GRK5: variants seen among roughly 807,000 people sequenced by gnomAD.
The protein encoded by GRK5 is G protein-coupled receptor kinase 5, also known as g protein-coupled receptor kinase GRK5.
GRK5 carries 40 observed loss-of-function variants against 78.4 expected under a neutral mutation model. The ratio of observed to expected loss-of-function variants is 0.51; its 90% CI spans 0.40 to 0.66. The LOEUF is 0.66. Among genes scored for constraint, GRK5 ranks in the 30% least tolerant of loss-of-function variants. GRK5 has a pLI of 0.00. For synonymous variants in GRK5, 289 were observed against 296.8 expected (o/e 0.97, Z 0.27); for missense variants, 598 against 759.9 (o/e 0.79, Z 2.50).
chr10:119,263,784 G>A (rs1849450257), intron 1 of GRK5, among the ~76,000 whole-genome samples: 2 of 152,110 alleles, frequency 1.3e-5, no homozygotes, highest in Non-Finnish European at 1.5e-5. Flanking sequence ...AAATTAGCCG[G>A]GCGTGGTGGC....
At chr10:119,390,127 G>C (rs1851864507) in intron 3 of GRK5, among the ~76,000 whole-genome samples, 1 of 152,214 alleles carries the variant, frequency 6.6e-6, no homozygotes, top group African/African-American at 2.4e-5. Context: ...AGCAGCTGGT[G>C]GGGGTGAGGA....
intron 1 of GRK5, among the ~76,000 whole-genome samples, chr10:119,325,346 G>A (rs1417199441): frequency 6.6e-6 from 1 of 152,194 alleles, no homozygotes; most frequent in South Asian, 2.1e-4. Flanking sequence ...CAAGGTGGAG[G>A]ACAGGTTGGG....
chr10:119,289,927 T>C (rs1196654402), intron 1 of GRK5, among the ~76,000 whole-genome samples: 1 of 152,214 alleles, frequency 6.6e-6, no homozygotes, highest in Non-Finnish European at 1.5e-5. Flanking sequence ...TTTAAAACTT[T>C]ATGGTCAGCT....
chr10:119,250,929 C>A (rs925012068), intron 1 of GRK5, among the ~76,000 whole-genome samples: 1 of 152,166 alleles, frequency 6.6e-6, no homozygotes, highest in Non-Finnish European at 1.5e-5. Flanking sequence ...GGCATCTCCA[C>A]GCTCTCCTAT....
At chr10:119,404,066 T>TTA (rs1852196049) in intron 4 of GRK5, among the ~76,000 whole-genome samples, 2 of 152,242 alleles carry the variant, frequency 1.3e-5, no homozygotes, top group African/African-American at 4.8e-5. Context: ...GGTCATGTGG[T>TTA]AACTCTATGT....
In GRK5 at chr10:119,326,814, C is replaced by T. The variant is rs552329080; in HGVS notation, c.148+203C>T. 4.6e-5 allele frequency among the ~76,000 whole-genome samples: 7 copies of T among 152,378 alleles called. No homozygotes were observed. The East Asian group carries it at 1.4e-3, about 29-fold the overall frequency. On this transcript the variant is annotated intron_variant, in intron 2 of 15. Coordinates refer to ENST00000392870, the MANE Select transcript of GRK5 (RefSeq NM_005308.3). The stretch of plus-strand genomic sequence containing the variant: ...TCAACATAAACAGGCAACCAGTATT[C>T]ATTGAATATATGGCATGTGCCGGGC...
chr10:119,338,471 T>C (rs1850931387), intron 2 of GRK5, among the ~76,000 whole-genome samples: 1 of 152,244 alleles, frequency 6.6e-6, no homozygotes, highest in Non-Finnish European at 1.5e-5. Flanking sequence ...CCCATACATA[T>C]ACATGTGGTT....
At chr10:119,245,139 G>A (rs758410627) in intron 1 of GRK5, among the ~76,000 whole-genome samples, 2 of 152,080 alleles carry the variant, frequency 1.3e-5, no homozygotes, top group African/African-American at 4.8e-5. Context: ...TTAGCTGGGC[G>A]TGGTTGCGTG....
intron 1 of GRK5, among the ~76,000 whole-genome samples, chr10:119,228,351 A>C (rs1035040847): frequency 5.3e-5 from 8 of 151,862 alleles, no homozygotes; most frequent in Non-Finnish European, 1.2e-4. Context: ...TCTCAAAAAA[A>C]ACAAAACAAA....
chr10:119,392,107 C>A (rs576358026), intron 3 of GRK5, among the ~76,000 whole-genome samples: 3 of 152,278 alleles, frequency 2.0e-5, no homozygotes, highest in East Asian at 3.9e-4. Flanking sequence ...TTTTTCCTGG[C>A]AGATTCTGAG....
intron 1 of GRK5, among the ~76,000 whole-genome samples, chr10:119,227,287 C>T (rs1354119590): frequency 6.6e-6 from 1 of 152,104 alleles, no homozygotes; most frequent in African/African-American, 2.4e-5. Context: ...ATATAATAGG[C>T]TGGGCACGGT....
rs1853444449 is a variant in GRK5 at position 119,459,131 on chromosome 10, T to C, written c.*4064T>C. On this transcript the variant is annotated 3_prime_UTR_variant, in exon 16 of 16. Coordinates refer to ENST00000392870, the MANE Select transcript of GRK5 (RefSeq NM_005308.3). ...ATAGTGAGTATGAAGTCTTTGTGCA[T>C]TTGGAAGTGACATCGCTGTGTGGAT... 6.6e-6 allele frequency: 1 copy of C among 152,232 alleles called. No individual in the cohort carries two copies. Among genetic ancestry groups the C allele is most frequent in the Admixed American group, 6.5e-5 (1 of 15,288 alleles). 9.4% of individuals were successfully genotyped at this position (152,232 alleles called of 1,614,324 possible). A position where few individuals can be genotyped will look rare whatever the true frequency, so the allele number is the denominator to read the frequency against.
intron 2 of GRK5, among the ~76,000 whole-genome samples, chr10:119,332,810 C>T (rs1048456099): frequency 2.6e-5 from 4 of 152,168 alleles, no homozygotes; most frequent in South Asian, 2.1e-4. Context: ...TCTCTCTACC[C>T]GGAATGTTCT....
chr10:119,427,055 A>G lies in GRK5; in HGVS notation c.533+1970A>G, dbSNP rs532782485. On this transcript the variant is annotated intron_variant, in intron 6 of 15. Transcript: ENST00000392870. ...CATCAGCAGCATCACCACCATCATCAATATCACTGCCATCATCACCATCAT... is the reference window on the plus strand; with the variant it reads ...CATCAGCAGCATCACCACCATCATCGATATCACTGCCATCATCACCATCAT... Among the ~76,000 whole-genome samples, 5 of 151,908 alleles carry G rather than the reference A, an allele frequency of 3.3e-5. No homozygotes were observed. In the East Asian group the frequency reaches 9.7e-4, roughly 30 times the overall value.
Position 119,425,026 on chromosome 10 carries a change from C to T in GRK5, c.474C>T (p.Phe158=). 1 of 1,613,876 alleles carries T rather than the reference C, an allele frequency of 6.2e-7. No individual in the cohort carries two copies. Among genetic ancestry groups the T allele is most frequent in the Non-Finnish European group, 8.5e-7 (1 of 1,179,826 alleles). Residue 158 remains phenylalanine (F), a synonymous_variant, in exon 6 of 16, where the codon TTC becomes TTT. Transcript: ENST00000392870. ...ACGAGTACCTGAGGGGAGAACCATT[C>T]CACGAATATCTGGACAGCATGTTTT... ...SVHEYLRGEP[F]HEYLDSMFFD...
intron 4 of GRK5, among the ~76,000 whole-genome samples, chr10:119,419,559 G>A (rs565964364): frequency 6.6e-6 from 1 of 152,204 alleles, no homozygotes; most frequent in Non-Finnish European, 1.5e-5. Context: ...CGAGCCAGTG[G>A]TTATAAAGCC....
rs1852786004 is a variant in GRK5 at position 119,430,137 on chromosome 10, TC to T, written c.534-233del. ...TTTCTGAGCAAGCGAGGCTTGTGCATCCCCCAGCTTGCAGGGGGCTGGGGGC... is the reference window on the plus strand; with the variant it reads ...TTTCTGAGCAAGCGAGGCTTGTGCATCCCCAGCTTGCAGGGGGCTGGGGGC... On this transcript the variant is annotated intron_variant, in intron 6 of 15. Coordinates refer to ENST00000392870, the MANE Select transcript of GRK5 (RefSeq NM_005308.3). The surrounding 1 kb of genome is among the most constrained non-coding windows in gnomAD (Gnocchi z 4.5). Among the ~76,000 whole-genome samples the T allele has an allele frequency of 6.6e-6, 1 of 152,062 alleles. No individual in the cohort carries two copies. The highest frequency in any genetic ancestry group is 2.4e-5 in the African/African-American group (1 of 41,398).
At chr10:119,261,179 A>T (rs201218940) in intron 1 of GRK5, among the ~76,000 whole-genome samples, 3,612 of 119,450 alleles carry the variant, frequency 0.03, 62 homozygotes, top group Admixed American at 0.071. Flanking sequence ...TCACTTCTCA[A>T]ACGGGGCGGC....
intron 1 of GRK5, among the ~76,000 whole-genome samples, chr10:119,237,464 A>G (rs774355155): frequency 2.0e-5 from 3 of 152,206 alleles, no homozygotes; most frequent in Non-Finnish European, 4.4e-5. Flanking sequence ...ACATAATTTC[A>G]ATAGGCACTG....
Sources: gnomAD v4.1 joint callset for allele counts (sites outside exome capture counted in the v4.1 genomes callset) on GRCh38, gnomAD v4.1.1 for gene constraint, Gnocchi (gnomAD v3.1) non-coding constraint, MANE v1.5 for transcripts, NCBI Gene and HGNC (gene_info 2026-07-23, HGNC 2026-07-21) for gene names.